MYL6B: variants seen among roughly 807,000 people sequenced by gnomAD.
The protein encoded by MYL6B is myosin light chain 6B.
A neutral mutation model predicts 24.5 loss-of-function variants in MYL6B; 19 were observed. The ratio of observed to expected loss-of-function variants is 0.78; its 90% CI spans 0.54 to 1.14. MYL6B has a LOEUF of 1.14. MYL6B is among the 50% of genes most tolerant of loss of function. The pLI is 0.00. For missense variants in MYL6B, 230 were observed against 263.8 expected, an observed-to-expected ratio of 0.87 and a Z score of 0.89; for synonymous variants, 90 against 100.7, an observed-to-expected ratio of 0.89 and a Z score of 0.64.
At chr12:56,154,052 A>C (rs781324749) in exon 2 of MYL6B, 21 of 1,613,896 alleles carry the variant, frequency 1.3e-5, no homozygotes, top group Non-Finnish European at 1.8e-5. Context: ...CAGGCCCCTC[A>C]GAAAACCCAG....
chr12:56,155,922 A>T, intron 5 of MYL6B: 1 of 1,216,854 alleles, frequency 8.2e-7, no homozygotes, highest in African/African-American at 1.6e-5. Flanking sequence ...CAGCAGTACT[A>T]GGGTGAAATG....
intron 5 of MYL6B, chr12:56,155,900 G>T: frequency 8.0e-7 from 1 of 1,256,754 alleles, no homozygotes; most frequent in Non-Finnish European, 1.0e-6. Flanking sequence ...TTTCCTTGTG[G>T]GTCAATACTT....
chr12:56,155,645 G>T, intron 5 of MYL6B, 53 bp downstream of exon 5: 1 of 1,610,530 alleles, frequency 6.2e-7, no homozygotes, highest in Non-Finnish European at 8.5e-7. Flanking sequence ...GGGGGATGGG[G>T]TGGGCCAGAA....
chr12:56,156,254 C>G (rs752372704), intron 5 of MYL6B: 11 of 155,036 alleles, frequency 7.1e-5, no homozygotes, highest in Admixed American at 6.8e-4. Context: ...TGCAGTGAGC[C>G]GAGAGATCAT....
At chr12:56,155,106 T>C in exon 4 of MYL6B, 1 of 1,614,042 alleles carries the variant, frequency 6.2e-7, no homozygotes, top group Non-Finnish European at 8.5e-7. Context: ...GGCAAGATCC[T>C]GTACAGCCAG....
At chr12:56,154,882 C>A (rs757737631) in intron 3 of MYL6B, 42 bp downstream of exon 3, 1 of 1,598,244 alleles carries the variant, frequency 6.3e-7, no homozygotes, top group Non-Finnish European at 8.5e-7. Flanking sequence ...CATCCCCAAT[C>A]CCCTGGTCAG....
chr12:56,157,909 C>G lies in MYL6B; in HGVS notation c.*183C>G, dbSNP rs898473558. The stretch of plus-strand genomic sequence containing the variant: ...CCAGTGGGGTCCGGACACTGGGCCC[C>G]GCAGGCGAAAGCACGTTCCAGCCAC... On this transcript the variant is annotated 3_prime_UTR_variant, in exon 7 of 7. Transcript: ENST00000553066. The G allele has an allele frequency of 3.5e-4, 233 of 662,102 alleles. 1 individual carries two copies. Among genetic ancestry groups the G allele is most frequent in the Non-Finnish European group, 5.0e-4 (197 of 393,760 alleles). The allele number at this position is 662,102 out of a possible 1,614,324, so 41.0% of individuals were successfully genotyped here.
At chr12:56,157,811 A>G in exon 7 of MYL6B, 1 of 1,530,810 alleles carries the variant, frequency 6.5e-7, no homozygotes, top group Non-Finnish European at 8.9e-7. Context: ...ATAGAAAAGC[A>G]GCGGAGTTCA....
In MYL6B at chr12:56,157,504, TG is replaced by T; in HGVS notation, c.559del (p.Ala187GlnfsTer16). 1.2e-6 allele frequency: 2 copies of T among 1,614,046 alleles called. No individual in the cohort carries two copies. The highest frequency in any genetic ancestry group is 8.5e-7 in the Non-Finnish European group (1 of 1,180,014). On this transcript the variant is annotated frameshift_variant, in exon 6 of 7. Coordinates refer to ENST00000553066, the Ensembl canonical transcript of MYL6B. LOFTEE classifies it high-confidence loss of function. ...ACTGAGGAGGAGGTGGAGACCGTTCTGGCAGGACACGAGGACAGCAACGGCT... is the reference window on the plus strand; with the variant it reads ...ACTGAGGAGGAGGTGGAGACCGTTCTGCAGGACACGAGGACAGCAACGGCT...
exon 4 of MYL6B, chr12:56,155,158 C>T (rs892674059): frequency 2.5e-5 from 40 of 1,613,622 alleles, no homozygotes; most frequent in Middle Eastern, 3.3e-4. Flanking sequence ...ACCCCACCAA[C>T]GCCGAGGTGC....
In MYL6B at chr12:56,153,552, A is replaced by G. The variant is rs970393009; in HGVS notation, c.-46-321A>G. ...TCAAGAAGACTAAAGCTGCTGGATCACCTGCTTTGCCTCACCACCCCCATC... is the reference window on the plus strand; with the variant it reads ...TCAAGAAGACTAAAGCTGCTGGATCGCCTGCTTTGCCTCACCACCCCCATC... On this transcript the variant is annotated intron_variant, in intron 1 of 6. Transcript: ENST00000553066. 2.1e-5 allele frequency: 19 copies of G among 906,714 alleles called. 1 individual carries two copies. Among genetic ancestry groups the G allele is most frequent in the Non-Finnish European group, 2.1e-5 (16 of 755,940 alleles). The allele number at this position is 906,714 out of a possible 1,614,324, so 56.2% of individuals were successfully genotyped here.
At chr12:56,157,849 C>T (rs1469831861) in exon 7 of MYL6B, 12 of 1,245,908 alleles carry the variant, frequency 9.6e-6, no homozygotes, top group African/African-American at 3.0e-5. Context: ...TGCACGGGCT[C>T]CAGCGCTTCG....
intron 5 of MYL6B, 153 bp from the exon 6 acceptor site, chr12:56,157,315 C>T (rs151280761): frequency 7.7e-6 from 5 of 651,300 alleles, no homozygotes; most frequent in African/African-American, 7.4e-5. Flanking sequence ...ACACGGGAGG[C>T]GGAGGTTGCA....
intron 5 of MYL6B, chr12:56,156,095 C>T (rs988949134): frequency 1.7e-5 from 16 of 957,862 alleles, no homozygotes; most frequent in Admixed American, 5.0e-5. Flanking sequence ...CACCTTAGCT[C>T]GGGAGTTCGA....
chr12:56,156,749 T>A (rs56685863), intron 5 of MYL6B, among the ~76,000 whole-genome samples: 5,851 of 142,594 alleles, frequency 0.041, 303 homozygotes, highest in African/African-American at 0.13. Flanking sequence ...TATCTCTATT[T>A]AAAAAAAAAA....
Position 56,155,264 on chromosome 12 carries a change from G to A in MYL6B, c.346+66G>A, listed in dbSNP as rs1431181529. Reference sequence around the variant, plus strand: ...AAAAGTTGGATGTTGGTAACAAAAAGAATGAGGTGGATCTCAGGACTTCAA... The same window carrying A: ...AAAAGTTGGATGTTGGTAACAAAAAAAATGAGGTGGATCTCAGGACTTCAA... On this transcript the variant is annotated intron_variant, in intron 4 of 6. Transcript: ENST00000553066. 2.2e-5 allele frequency: 34 copies of A among 1,559,110 alleles called. No individual in the cohort carries two copies. In the Admixed American group the frequency reaches 6.7e-4, roughly 31 times the overall value.
At chr12:56,154,951 C>G (rs2136904192) in intron 3 of MYL6B, 104 bp from the exon 4 acceptor site, 2 of 1,560,152 alleles carry the variant, frequency 1.3e-6, no homozygotes, top group East Asian at 2.2e-5. Flanking sequence ...TACTAGTCCT[C>G]TTTTCCTCCC....
chr12:56,157,693 T>C lies in MYL6B; in HGVS notation c.599-5T>C. Reference sequence around the variant, plus strand: ...TGAAGCCCCTCTTGCCTCCTCTCTCTGCAGCCTTCTTGAAACACATCCTAA... The same window carrying C: ...TGAAGCCCCTCTTGCCTCCTCTCTCCGCAGCCTTCTTGAAACACATCCTAA... On this transcript the variant is annotated splice_polypyrimidine_tract_variant and splice_region_variant and intron_variant, in intron 6 of 6. Coordinates refer to ENST00000553066, the Ensembl canonical transcript of MYL6B. The C allele has an allele frequency of 6.2e-7, 1 of 1,613,078 alleles. No homozygotes were observed. The highest frequency in any genetic ancestry group is 8.5e-7 in the Non-Finnish European group (1 of 1,180,026).
intron 5 of MYL6B, chr12:56,155,840 G>T (rs35215593): frequency 7.4e-5 from 104 of 1,402,520 alleles, no homozygotes; most frequent in Non-Finnish European, 9.5e-5. Context: ...TTTTGGAAGA[G>T]ACGTGTGGGT....
Sources: gnomAD v4.1 joint callset for allele counts (sites outside exome capture counted in the v4.1 genomes callset) on GRCh38, gnomAD v4.1.1 for gene constraint, MANE v1.5 for transcripts, NCBI Gene and HGNC (gene_info 2026-07-23, HGNC 2026-07-21) for gene names.